SLC2A13: variants seen among roughly 807,000 people sequenced by gnomAD.
SLC2A13 encodes solute carrier family 2 member 13.
SLC2A13 carries 32 observed loss-of-function variants against 64.4 expected under a neutral mutation model. The observed-to-expected ratio is 0.50, with a 90% CI of 0.37 to 0.67. The LOEUF (loss-of-function observed/expected upper bound fraction) is 0.67, where lower values mean the gene tolerates loss of function less well. Among genes scored for constraint, SLC2A13 ranks in the 30% least tolerant of loss-of-function variants. SLC2A13 has a pLI of 0.00. For synonymous variants in SLC2A13, 338 were observed against 327.1 expected (o/e 1.03, Z -0.36); for missense variants, 743 against 829.2 (o/e 0.90, Z 1.28).
At chr12:40,090,449 T>C (rs543006545) in intron 1 of SLC2A13, among the ~76,000 whole-genome samples, 89 of 152,204 alleles carry the variant, frequency 5.8e-4, no homozygotes, top group Admixed American at 1.6e-3. Context: ...TTTATGTCTA[T>C]AAATCATTTT....
At chr12:40,085,733 T>G (rs1938568684) in intron 1 of SLC2A13, among the ~76,000 whole-genome samples, 1 of 152,192 alleles carries the variant, frequency 6.6e-6, no homozygotes, top group Non-Finnish European at 1.5e-5. Flanking sequence ...TAGAAGGAAC[T>G]TTACATATAA....
At chr12:39,909,526 T>C (rs964427570) in intron 4 of SLC2A13, among the ~76,000 whole-genome samples, 1 of 152,126 alleles carries the variant, frequency 6.6e-6, no homozygotes, top group African/African-American at 2.4e-5. Context: ...ATTAAATACA[T>C]ACAGACCTGT....
chr12:39,848,614 G>A (rs773738154), intron 6 of SLC2A13, among the ~76,000 whole-genome samples: 3 of 152,150 alleles, frequency 2.0e-5, no homozygotes, highest in Admixed American at 6.6e-5. Context: ...AAGCAGTATG[G>A]CAATTCCTCA....
intron 7 of SLC2A13, among the ~76,000 whole-genome samples, chr12:39,825,977 A>C (rs1942659735): frequency 6.6e-6 from 1 of 152,086 alleles, no homozygotes; most frequent in Non-Finnish European, 1.5e-5. Context: ...TCCCAGCTAA[A>C]CTAGAAGGGG....
chr12:39,898,055 T>C (rs982467311), intron 4 of SLC2A13, among the ~76,000 whole-genome samples: 1 of 152,128 alleles, frequency 6.6e-6, no homozygotes, highest in African/African-American at 2.4e-5. Flanking sequence ...TACATCATTA[T>C]ATTGAGGAGG....
chr12:39,898,608 T>C (rs1944992046), intron 4 of SLC2A13, among the ~76,000 whole-genome samples: 1 of 152,156 alleles, frequency 6.6e-6, no homozygotes, highest in Admixed American at 6.6e-5. Context: ...TGTCTTCAAA[T>C]TGAAGAATCA....
At chr12:40,046,810 C>T (rs1178646604) in intron 2 of SLC2A13, among the ~76,000 whole-genome samples, 1 of 152,060 alleles carries the variant, frequency 6.6e-6, no homozygotes, top group Non-Finnish European at 1.5e-5. Flanking sequence ...CCATTTAGGT[C>T]TTTAATGGCT....
At chr12:39,996,130 T>C (rs897233095) in intron 3 of SLC2A13, among the ~76,000 whole-genome samples, 5 of 152,222 alleles carry the variant, frequency 3.3e-5, no homozygotes, top group Non-Finnish European at 5.9e-5. Context: ...CAGGTTGAAG[T>C]GGTCTCAAAT....
chr12:39,981,605 A>T (rs1427155981), intron 3 of SLC2A13, among the ~76,000 whole-genome samples: 1 of 150,988 alleles, frequency 6.6e-6, no homozygotes, highest in African/African-American at 2.4e-5. Flanking sequence ...CGACACATAC[A>T]CTCTCCCAAG....
chr12:39,999,678 C>T (rs1447243096), intron 3 of SLC2A13, among the ~76,000 whole-genome samples: 1 of 152,178 alleles, frequency 6.6e-6, no homozygotes, highest in African/African-American at 2.4e-5. Flanking sequence ...TGCTTTTGCC[C>T]TTTGCCTTGT....
intron 4 of SLC2A13, among the ~76,000 whole-genome samples, chr12:39,904,705 G>T (rs1029943066): frequency 1.3e-5 from 2 of 152,108 alleles, no homozygotes; most frequent in Non-Finnish European, 2.9e-5. Flanking sequence ...GCCCTGCTTT[G>T]CTGCAACCAA....
chr12:40,039,941 C>A (rs970915848), intron 2 of SLC2A13, among the ~76,000 whole-genome samples: 1 of 152,190 alleles, frequency 6.6e-6, no homozygotes. Context: ...TTTTCACTAT[C>A]CTAAATATCT....
intron 4 of SLC2A13, among the ~76,000 whole-genome samples, chr12:39,916,546 GTTAA>G (rs1945524031): frequency 6.6e-6 from 1 of 151,978 alleles, no homozygotes; most frequent in African/African-American, 2.4e-5. Context: ...AACAGTGAAG[GTTAA>G]TTATTTTCTT....
rs1220394195 is a variant in SLC2A13 at position 39,774,323 on chromosome 12, C to T, written c.1446-9465G>A. On this transcript the variant is annotated intron_variant, in intron 7 of 9. Transcript: ENST00000280871. ...ATAAGAAATTCTAACTTCCGGGCAT[C>T]CCTTCAAAGCAACCATGAAAAGTTA... Among the ~76,000 whole-genome samples the T allele has an allele frequency of 3.3e-5, 5 of 152,232 alleles. No homozygotes were observed. In the East Asian group the frequency reaches 7.7e-4, roughly 24 times the overall value.
chr12:39,955,641 AACTTTGTAGGTATAATT>A (rs1204380081), intron 3 of SLC2A13, among the ~76,000 whole-genome samples: 34 of 152,290 alleles, frequency 2.2e-4, no homozygotes, highest in African/African-American at 6.7e-4. Flanking sequence ...GTCAAAAATA[AACTTTGTAGGTATAATT>A]AAGTTAAAAA....
At chr12:40,017,699 A>T (rs1028709851) in intron 3 of SLC2A13, among the ~76,000 whole-genome samples, 7 of 152,198 alleles carry the variant, frequency 4.6e-5, no homozygotes, top group African/African-American at 1.7e-4. Context: ...ATCAAATGTG[A>T]CATCATGTGC....
At chr12:39,776,301 C>T (rs886313328) in intron 7 of SLC2A13, among the ~76,000 whole-genome samples, 9 of 152,050 alleles carry the variant, frequency 5.9e-5, no homozygotes, top group African/African-American at 2.2e-4. Context: ...AGCTGTGGGG[C>T]CCACCTCTGC....
chr12:40,087,249 ACT>A, intron 1 of SLC2A13, among the ~76,000 whole-genome samples: 1 of 152,112 alleles, frequency 6.6e-6, no homozygotes, highest in South Asian at 2.1e-4. Context: ...TTGAGCTAAG[ACT>A]CTTGAAGCTA....
chr12:39,896,478 A>G lies in SLC2A13; in HGVS notation c.1035-24517T>C, dbSNP rs572066361. ...TGTATATATGTATACATATATGTAT[A>G]TGTGTATATATGTACACATATATGT... On this transcript the variant is annotated intron_variant, in intron 4 of 9. Transcript: ENST00000280871. Among the ~76,000 whole-genome samples, 66 of 138,338 alleles carry G rather than the reference A, an allele frequency of 4.8e-4. 6 individuals are homozygous for G. The highest frequency in any genetic ancestry group is 1.9e-3 in the East Asian group (9 of 4,784). 90.8% of individuals were successfully genotyped at this position (138,338 alleles called of 152,430 possible).
Sources: gnomAD v4.1 joint callset for allele counts (sites outside exome capture counted in the v4.1 genomes callset) on GRCh38, gnomAD v4.1.1 for gene constraint, MANE v1.5 for transcripts, NCBI Gene and HGNC (gene_info 2026-07-23, HGNC 2026-07-21) for gene names.